Variants in LHX5 observed in about 807,000 individuals in gnomAD.
LHX5 encodes the protein LIM homeobox 5.
LHX5 carries 5 observed loss-of-function variants against 30.6 expected under a neutral mutation model. The observed-to-expected ratio is 0.16, with a 90% CI of 0.09 to 0.34. The LOEUF (loss-of-function observed/expected upper bound fraction) is 0.34, where lower values mean the gene tolerates loss of function less well. Ranked by LOEUF, LHX5 falls within the 10% of genes least tolerant of loss-of-function variation. LHX5 has a pLI of 1.00. For synonymous variants in LHX5, 266 were observed against 252.6 expected, an observed-to-expected ratio of 1.05 and a Z score of -0.50; for missense variants, 458 against 570.6, an observed-to-expected ratio of 0.80 and a Z score of 2.01.
In LHX5 at chr12:113,471,457, G is replaced by A; in HGVS notation, c.42C>T (p.Asp14=). 1 of 1,611,488 alleles carries A rather than the reference G, an allele frequency of 6.2e-7. No individual in the cohort carries two copies. The highest frequency in any genetic ancestry group is 8.5e-7 in the Non-Finnish European group (1 of 1,178,960). The change falls in exon 1 of 5, where the codon GAC becomes GAT. Residue 14 remains aspartate (D), a synonymous_variant. Coordinates refer to ENST00000261731, the MANE Select transcript of LHX5 (RefSeq NM_022363.3). ...GGTCCAGCACGTTCAGCAGAAAGCG[G>A]TCGAGGATGGGCCGCTCGCAACCGG... The part of the protein sequence containing the change: ...HCAGCERPIL[D]RFLLNVLDRA...
chr12:113,469,353 C>A lies in LHX5; in HGVS notation c.174-8G>T. The A allele has an allele frequency of 6.2e-7, 1 of 1,608,966 alleles. No individual in the cohort carries two copies. On this transcript the variant is annotated splice_polypyrimidine_tract_variant and splice_region_variant and intron_variant, in intron 1 of 4. Coordinates refer to ENST00000261731, the MANE Select transcript of LHX5 (RefSeq NM_022363.3). ...CATTTCGTGCCAAAGCGCCTGTGGA[C>A]ACAATGTGCCTGTCACTATGGGGTG...
Position 113,468,412 on chromosome 12 carries a change from C to A in LHX5, c.398-8G>T, listed in dbSNP as rs752937522. The A allele has an allele frequency of 6.2e-7, 1 of 1,601,570 alleles. No individual in the cohort carries two copies. Among genetic ancestry groups the A allele is most frequent in the Non-Finnish European group, 8.5e-7 (1 of 1,170,996 alleles). On this transcript the variant is annotated splice_polypyrimidine_tract_variant and splice_region_variant and intron_variant, in intron 2 of 4. Coordinates refer to ENST00000261731, the MANE Select transcript of LHX5 (RefSeq NM_022363.3). ...GGTCCGTACAGGATGACACTGCGGGCGGACGGATCGGGAAGGGGACAGCGG... is the reference window on the plus strand; with the variant it reads ...GGTCCGTACAGGATGACACTGCGGGAGGACGGATCGGGAAGGGGACAGCGG...
chr12:113,466,645 C>T lies in LHX5; in HGVS notation c.841+611G>A, dbSNP rs1007633311. 1.3e-5 allele frequency among the ~76,000 whole-genome samples: 2 copies of T among 152,194 alleles called. No individual in the cohort carries two copies. Among genetic ancestry groups the T allele is most frequent in the Non-Finnish European group, 2.9e-5 (2 of 68,040 alleles). The stretch of plus-strand genomic sequence containing the variant: ...TGGGCTAACACTGCCAGATGCTGTG[C>T]GCACACACCCCGCCACATGGAACAG... On this transcript the variant is annotated intron_variant, in intron 4 of 4. Transcript: ENST00000261731. The surrounding 1 kb of genome is among the most constrained non-coding windows in gnomAD (Gnocchi z 6.5).
rs753340802 is a variant in LHX5 at position 113,463,485 on chromosome 12, T to G, written c.914A>C (p.Gln305Pro). The change falls in exon 5 of 5, where the codon CAG (glutamine) becomes CCG (proline). Residue 305 changes from glutamine (Q) to proline (P), a missense_variant. This residue lies in a region of LHX5 where 255 missense variants were observed against 246.8 expected (regional missense o/e 1.03). Transcript: ENST00000261731. This position sits in a 1 kb window ranked among gnomAD's most constrained non-coding sequence, Gnocchi z 6.7. ...FFAHGPPSQA[Q>P]SPADSSFLAA... ...CAGGAAGCTGGAGTCGGCCGGGGAC[T>G]GCGCCTGCGAAGGCGGGCCGTGCGC... The G allele has an allele frequency of 5.1e-6, 8 of 1,567,604 alleles. No individual in the cohort carries two copies. The highest frequency in any genetic ancestry group is 6.9e-6 in the Non-Finnish European group (8 of 1,163,638).
rs1198782498 is a variant in LHX5, at chr12:113,465,855, G to A, written c.841+1401C>T. The stretch of plus-strand genomic sequence containing the variant: ...CCATCCGGGCTCTCCAGGGTTGGGG[G>A]TCTGTCCGGGGTTGGGGGTCTGTCC... On this transcript the variant is annotated intron_variant, in intron 4 of 4. Coordinates refer to ENST00000261731, the MANE Select transcript of LHX5 (RefSeq NM_022363.3). This position sits in a 1 kb window ranked among gnomAD's most constrained non-coding sequence, Gnocchi z 6.7. Among the ~76,000 whole-genome samples, 1 of 151,828 alleles carries A rather than the reference G, an allele frequency of 6.6e-6. No individual in the cohort carries two copies. Among genetic ancestry groups the A allele is most frequent in the Admixed American group, 6.6e-5 (1 of 15,252 alleles).
At position 113,465,842 on chromosome 12, in the gene LHX5, TC is replaced by T. The variant is rs1958211866; in HGVS notation, c.841+1413del. Among the ~76,000 whole-genome samples, 1 of 151,292 alleles carries T rather than the reference TC, an allele frequency of 6.6e-6. No individual in the cohort carries two copies. Among genetic ancestry groups the T allele is most frequent in the Non-Finnish European group, 1.5e-5 (1 of 67,804 alleles). ...GAAGACACGCCCACCATCCGGGCTC[TC>T]CAGGGTTGGGGGTCTGTCCGGGGTT... On this transcript the variant is annotated intron_variant, in intron 4 of 4. Transcript: ENST00000261731. The surrounding 1 kb of genome is among the most constrained non-coding windows in gnomAD (Gnocchi z 6.7).
chr12:113,464,306 G>C lies in LHX5; in HGVS notation c.842-749C>G, dbSNP rs563188927. Reference sequence around the variant, plus strand: ...GCTGACAGGCCCGGGGAGAGGAACCGGGCAGGGACAAACCAGCGGACAGAG... The same window carrying C: ...GCTGACAGGCCCGGGGAGAGGAACCCGGCAGGGACAAACCAGCGGACAGAG... On this transcript the variant is annotated intron_variant, in intron 4 of 4. Coordinates refer to ENST00000261731, the MANE Select transcript of LHX5 (RefSeq NM_022363.3). The surrounding 1 kb of genome is among the most constrained non-coding windows in gnomAD (Gnocchi z 6.2). Among the ~76,000 whole-genome samples the C allele has an allele frequency of 3.3e-5, 5 of 152,224 alleles. No individual in the cohort carries two copies. The highest frequency in any genetic ancestry group is 7.3e-5 in the Non-Finnish European group (5 of 68,038).
At chr12:113,469,019 G>A in intron 2 of LHX5, 103 bp downstream of exon 2, 3 of 861,078 alleles carry the variant, frequency 3.5e-6, no homozygotes, top group Non-Finnish European at 5.4e-6. Context: ...TGAGCTCCAA[G>A]CTCAGCACAG....
Position 113,467,572 on chromosome 12 carries a change from G to T in LHX5, c.676-151C>A, listed in dbSNP as rs1958222757. On this transcript the variant is annotated intron_variant, in intron 3 of 4. Transcript: ENST00000261731. The surrounding 1 kb of genome is among the most constrained non-coding windows in gnomAD (Gnocchi z 6.3). ...GCGGGGCCGGGCCGGATTAGGCCGGGAGGGGTGGAGAGAGGCTTCGGCGAA... is the reference window on the plus strand; with the variant it reads ...GCGGGGCCGGGCCGGATTAGGCCGGTAGGGGTGGAGAGAGGCTTCGGCGAA... 1 of 722,930 alleles carries T rather than the reference G, an allele frequency of 1.4e-6. No individual in the cohort carries two copies. The highest frequency in any genetic ancestry group is 2.1e-6 in the Non-Finnish European group (1 of 483,582). The allele number at this position is 722,930 out of a possible 1,614,324, so 44.8% of individuals were successfully genotyped here. A position where few individuals can be genotyped will look rare whatever the true frequency, so the allele number is the denominator to read the frequency against.
chr12:113,469,213 G>C lies in LHX5; in HGVS notation c.306C>G (p.Gly102=). 6.2e-7 allele frequency: 1 copy of C among 1,614,244 alleles called. No homozygotes were observed. Among genetic ancestry groups the C allele is most frequent in the Non-Finnish European group, 8.5e-7 (1 of 1,180,036 alleles). ...CMVCNKQLST[G]EELYVIDENK... ...TCTCGTCGATGACGTAGAGCTCCTCGCCGGTGGACAGCTGCTTGTTACACA... is the reference window on the plus strand; with the variant it reads ...TCTCGTCGATGACGTAGAGCTCCTCCCCGGTGGACAGCTGCTTGTTACACA... The change falls in exon 2 of 5, where the codon GGC becomes GGG. Residue 102 remains glycine, a synonymous_variant. Transcript: ENST00000261731.
rs1033143081 is a variant in LHX5, at chr12:113,463,090, C to T, written c.*100G>A. ...CCCGAGAGAGAACCCCCGAGGGACA[C>T]CCACGTCTCCCACCGCGTCTGCGTC... is the stretch of plus-strand genomic sequence containing the variant. On this transcript the variant is annotated 3_prime_UTR_variant, in exon 5 of 5. Transcript: ENST00000261731. The surrounding 1 kb of genome is among the most constrained non-coding windows in gnomAD (Gnocchi z 6.7). 9.6e-7 allele frequency: 1 copy of T among 1,042,204 alleles called. No homozygotes were observed. The highest frequency in any genetic ancestry group is 3.1e-5 in the East Asian group (1 of 32,518). 64.6% of individuals were successfully genotyped at this position (1,042,204 alleles called of 1,614,324 possible). A position where few individuals can be genotyped will look rare whatever the true frequency, so the allele number is the denominator to read the frequency against.
In LHX5 at chr12:113,467,859, A is replaced by C. The variant is rs1311099672; in HGVS notation, c.675+268T>G. On this transcript the variant is annotated intron_variant, in intron 3 of 4. Transcript: ENST00000261731. The surrounding 1 kb of genome is among the most constrained non-coding windows in gnomAD (Gnocchi z 6.3). ...GATCCCGGACCCCAGAGAGGCTTAC[A>C]ACCTTCCATAAGCAAGGCGGGGGGC... 1.3e-5 allele frequency among the ~76,000 whole-genome samples: 2 copies of C among 152,242 alleles called. No homozygotes were observed. Among genetic ancestry groups the C allele is most frequent in the African/African-American group, 4.8e-5 (2 of 41,458 alleles).
rs1958196587 is a variant in LHX5 at position 113,464,082 on chromosome 12, AGACATCG to A, written c.842-532_842-526del. Among the ~76,000 whole-genome samples the A allele has an allele frequency of 1.3e-5, 2 of 152,168 alleles. No individual in the cohort carries two copies. Among genetic ancestry groups the A allele is most frequent in the Admixed American group, 6.5e-5 (1 of 15,286 alleles). The stretch of plus-strand genomic sequence containing the variant: ...TCCGCGGCTGAGACCCGAAAGCCCG[AGACATCG>A]GAGGGTCGCGGAGGAGTCGAGGAGA... On this transcript the variant is annotated intron_variant, in intron 4 of 4. Coordinates refer to ENST00000261731, the MANE Select transcript of LHX5 (RefSeq NM_022363.3). The surrounding 1 kb of genome is among the most constrained non-coding windows in gnomAD (Gnocchi z 6.2).
In LHX5 at chr12:113,467,452, G is replaced by A; in HGVS notation, c.676-31C>T. On this transcript the variant is annotated intron_variant, in intron 3 of 4. Transcript: ENST00000261731. This position sits in a 1 kb window ranked among gnomAD's most constrained non-coding sequence, Gnocchi z 6.3. The stretch of plus-strand genomic sequence containing the variant: ...ACAGAGGAGGGGGCTGTGAACCCAG[G>A]ATCAGGAGTGTCCTCTCCCCCCCTC... 1.4e-6 allele frequency: 2 copies of A among 1,461,588 alleles called. No individual in the cohort carries two copies. Among genetic ancestry groups the A allele is most frequent in the Non-Finnish European group, 1.8e-6 (2 of 1,095,854 alleles). 90.5% of individuals were successfully genotyped at this position (1,461,588 alleles called of 1,614,324 possible). A position where few individuals can be genotyped will look rare whatever the true frequency, so the allele number is the denominator to read the frequency against.
chr12:113,464,255 T>C lies in LHX5; in HGVS notation c.842-698A>G, dbSNP rs1337275359. 6.6e-6 allele frequency among the ~76,000 whole-genome samples: 1 copy of C among 151,146 alleles called. No individual in the cohort carries two copies. The highest frequency in any genetic ancestry group is 2.4e-5 in the African/African-American group (1 of 41,020). ...CGCAAGACGGTGGATCAGAGATGAG[T>C]CCCAGGAACCTCCAGAGAAGCGGAG... On this transcript the variant is annotated intron_variant, in intron 4 of 4. Coordinates refer to ENST00000261731, the MANE Select transcript of LHX5 (RefSeq NM_022363.3). The surrounding 1 kb of genome is among the most constrained non-coding windows in gnomAD (Gnocchi z 6.2).
rs1247925041 is a variant in LHX5, at chr12:113,471,641, C to T, written c.-143G>A. 1.2e-6 allele frequency: 1 copy of T among 824,228 alleles called. No homozygotes were observed. Among genetic ancestry groups the T allele is most frequent in the Non-Finnish European group, 1.8e-6 (1 of 542,686 alleles). 51.1% of individuals were successfully genotyped at this position (824,228 alleles called of 1,614,324 possible). A position where few individuals can be genotyped will look rare whatever the true frequency, so the allele number is the denominator to read the frequency against. On this transcript the variant is annotated 5_prime_UTR_variant, in exon 1 of 5. Coordinates refer to ENST00000261731, the MANE Select transcript of LHX5 (RefSeq NM_022363.3). ...GGTCCGGACCAAGACTCAGCCGGTC[C>T]AGTCCTTGGGCAATCTCTGGCCTGG...
rs376960048 is a variant in LHX5 at position 113,465,936 on chromosome 12, C to A, written c.841+1320G>T. Among the ~76,000 whole-genome samples, 98 of 152,292 alleles carry A rather than the reference C, an allele frequency of 6.4e-4. No homozygotes were observed. Among genetic ancestry groups the A allele is most frequent in the African/African-American group, 2.3e-3 (97 of 41,558 alleles). On this transcript the variant is annotated intron_variant, in intron 4 of 4. Coordinates refer to ENST00000261731, the MANE Select transcript of LHX5 (RefSeq NM_022363.3). The surrounding 1 kb of genome is among the most constrained non-coding windows in gnomAD (Gnocchi z 6.7). ...CTGGGGCGCTCCAGCCTGAGCCCTGCCACTGCCTGGGGTCTCTGCCCTGAA... is the reference window on the plus strand; with the variant it reads ...CTGGGGCGCTCCAGCCTGAGCCCTGACACTGCCTGGGGTCTCTGCCCTGAA...
Position 113,463,426 on chromosome 12 carries a change from C to T in LHX5, c.973G>A (p.Ala325Thr), listed in dbSNP as rs1381186561. 1.3e-6 allele frequency: 2 copies of T among 1,553,658 alleles called. No homozygotes were observed. Among genetic ancestry groups the T allele is most frequent in the Admixed American group, 3.8e-5 (2 of 53,124 alleles). ...ASGPGSTPLG[A>T]LEPPLAGPHA... ...GGGCCGGCGAGCGGCGGTTCCAGCG[C>T]TCCCAGCGGCGTCGAGCCGGGGCCA... The change falls in exon 5 of 5, where the codon GCG (alanine) becomes ACG (threonine). Residue 325 changes from alanine (A) to threonine (T), a missense_variant. Ala to Thr is a moderately conservative substitution (Grantham distance 58). Transcript: ENST00000261731. This position sits in a 1 kb window ranked among gnomAD's most constrained non-coding sequence, Gnocchi z 6.7.
rs1236550713 is a variant in LHX5, at chr12:113,464,013, GA to G, written c.842-457del. ...CGAGAGACAGACGGAGAGATCGGCA[GA>G]GGGGCAGAGAGAAAGGCGGAAAAGA... On this transcript the variant is annotated intron_variant, in intron 4 of 4. Transcript: ENST00000261731. This position sits in a 1 kb window ranked among gnomAD's most constrained non-coding sequence, Gnocchi z 6.2. Among the ~76,000 whole-genome samples, 2 of 152,220 alleles carry G rather than the reference GA, an allele frequency of 1.3e-5. No individual in the cohort carries two copies. The highest frequency in any genetic ancestry group is 2.9e-5 in the Non-Finnish European group (2 of 68,040).
Sources: gnomAD v4.1 joint callset for allele counts (sites outside exome capture counted in the v4.1 genomes callset) on GRCh38, gnomAD v4.1.1 for gene constraint, gnomAD v4.1.1 regional missense constraint, Gnocchi (gnomAD v3.1) non-coding constraint, MANE v1.5 for transcripts, NCBI Gene and HGNC (gene_info 2026-07-23, HGNC 2026-07-21) for gene names.